Variants in PRKD1 observed in about 807,000 individuals in gnomAD.
PRKD1 encodes protein kinase D1.
A neutral mutation model predicts 95.9 loss-of-function variants in PRKD1; 63 were observed. The observed-to-expected ratio is 0.66, with a 90% CI of 0.54 to 0.81. The LOEUF is 0.81. PRKD1 is among the 30% of genes least tolerant of loss of function. The pLI is 0.00. For missense variants in PRKD1, 1,048 were observed against 1,165.3 expected (o/e 0.90, Z 1.47); for synonymous variants, 425 against 423.1 (o/e 1.00, Z -0.05).
intron 14 of PRKD1, 113 bp downstream of exon 14, chr14:29,599,543 G>A: frequency 3.1e-6 from 3 of 975,462 alleles, no homozygotes; most frequent in Admixed American, 5.2e-5. Flanking sequence ...CTTTTCTAGT[G>A]TAGTTTAGAC....
chr14:29,658,485 T>G lies in PRKD1; in HGVS notation c.696+5214A>C, dbSNP rs546064056. ...GCATTTCCTAATCTTATTTGACCAA[T>G]TTTTTTTTTTCAGAATATTTTATGG... On this transcript the variant is annotated intron_variant, in intron 4 of 17. Transcript: ENST00000331968. Among the ~76,000 whole-genome samples, 6 of 146,368 alleles carry G rather than the reference T, an allele frequency of 4.1e-5. No homozygotes were observed. The East Asian group carries it at 7.9e-4, about 19-fold the overall frequency.
At chr14:29,598,991 A>G in intron 15 of PRKD1, 36 bp downstream of exon 15, 1 of 1,543,014 alleles carries the variant, frequency 6.5e-7, no homozygotes, top group Non-Finnish European at 9.0e-7. Context: ...CAATGCTTCC[A>G]ACTGGCTTTT....
At chr14:29,640,927 T>C (rs958347777) in intron 4 of PRKD1, among the ~76,000 whole-genome samples, 5 of 152,206 alleles carry the variant, frequency 3.3e-5, no homozygotes, top group African/African-American at 1.2e-4. Context: ...TATACCATGG[T>C]GCAAATTCAT....
intron 1 of PRKD1, among the ~76,000 whole-genome samples, chr14:29,908,907 C>G (rs888057341): frequency 6.6e-6 from 1 of 152,190 alleles, no homozygotes; most frequent in Admixed American, 6.5e-5. Context: ...GCTTGAGGAG[C>G]CCTTTAGCCC....
At chr14:29,824,001 G>A (rs1231577396) in intron 1 of PRKD1, among the ~76,000 whole-genome samples, 3 of 152,072 alleles carry the variant, frequency 2.0e-5, no homozygotes, top group Non-Finnish European at 4.4e-5. Context: ...ACATTCTTCG[G>A]ACACACACTG....
intron 16 of PRKD1, among the ~76,000 whole-genome samples, chr14:29,578,755 G>C (rs960856010): frequency 1.3e-5 from 2 of 151,920 alleles, no homozygotes; most frequent in Admixed American, 1.3e-4. Context: ...TACTAATTTT[G>C]TTATAAAACA....
At chr14:29,707,084 G>T (rs1885126988) in intron 2 of PRKD1, among the ~76,000 whole-genome samples, 1 of 152,122 alleles carries the variant, frequency 6.6e-6, no homozygotes, top group African/African-American at 2.4e-5. Context: ...GGTAGAGTAG[G>T]GAGTAGAACA....
intron 1 of PRKD1, among the ~76,000 whole-genome samples, chr14:29,797,723 T>C (rs1298979915): frequency 6.6e-6 from 1 of 152,184 alleles, no homozygotes; most frequent in Admixed American, 6.5e-5. Flanking sequence ...GGAGCTGCTA[T>C]TGGCCTTAGC....
intron 1 of PRKD1, among the ~76,000 whole-genome samples, chr14:29,910,197 G>A (rs533916442): frequency 1.3e-5 from 2 of 152,262 alleles, no homozygotes; most frequent in South Asian, 4.1e-4. Context: ...AGGCCAGTGA[G>A]ACCATGAACC....
At chr14:29,746,529 TATACACAC>T (rs1302016677) in intron 1 of PRKD1, among the ~76,000 whole-genome samples, 1 of 146,410 alleles carries the variant, frequency 6.8e-6, no homozygotes, top group African/African-American at 2.7e-5. Flanking sequence ...TGTGTACATA[TATACACAC>T]ACACACACAC....
intron 1 of PRKD1, among the ~76,000 whole-genome samples, chr14:29,867,500 G>A (rs1384765511): frequency 1.3e-5 from 2 of 152,188 alleles, no homozygotes; most frequent in East Asian, 1.9e-4. Context: ...GAATTCAATG[G>A]GTAAAGGATG....
At chr14:29,871,437 G>A (rs1893102323) in intron 1 of PRKD1, among the ~76,000 whole-genome samples, 1 of 152,282 alleles carries the variant, frequency 6.6e-6, no homozygotes, top group African/African-American at 2.4e-5. Flanking sequence ...AAAATGAGAG[G>A]CAGGAGAGTG....
intron 1 of PRKD1, among the ~76,000 whole-genome samples, chr14:29,771,521 C>G (rs572944388): frequency 1.3e-5 from 2 of 152,154 alleles, no homozygotes; most frequent in South Asian, 2.1e-4. Context: ...TACCCATGCA[C>G]AGAGTGCACA....
intron 1 of PRKD1, among the ~76,000 whole-genome samples, chr14:29,804,795 T>C (rs1890170232): frequency 6.6e-6 from 1 of 152,126 alleles, no homozygotes; most frequent in South Asian, 2.1e-4. Context: ...TTCAGATCAA[T>C]GAGGTGTTTT....
At chr14:29,926,844 G>GTCC (rs1895315484) in intron 1 of PRKD1, among the ~76,000 whole-genome samples, 1 of 152,010 alleles carries the variant, frequency 6.6e-6, no homozygotes, top group Admixed American at 6.5e-5. Flanking sequence ...GGGCACTCTG[G>GTCC]TGCAGGAAGG....
At chr14:29,724,259 G>A (rs1886037930) in intron 2 of PRKD1, among the ~76,000 whole-genome samples, 1 of 152,086 alleles carries the variant, frequency 6.6e-6, no homozygotes, top group African/African-American at 2.4e-5. Context: ...TATATTTCTG[G>A]ACATTGACAC....
intron 1 of PRKD1, among the ~76,000 whole-genome samples, chr14:29,799,083 T>A (rs993107449): frequency 6.6e-6 from 1 of 152,198 alleles, no homozygotes; most frequent in Non-Finnish European, 1.5e-5. Flanking sequence ...AATTTGCACA[T>A]ACTAAGTGTT....
At chr14:29,710,476 T>C (rs557650223) in intron 2 of PRKD1, among the ~76,000 whole-genome samples, 237 of 152,218 alleles carry the variant, frequency 1.6e-3, no homozygotes, top group African/African-American at 5.3e-3. Flanking sequence ...TAAACCCAGA[T>C]TGGTGACCAT....
chr14:29,684,996 T>C (rs1883774297), intron 2 of PRKD1, among the ~76,000 whole-genome samples: 1 of 152,254 alleles, frequency 6.6e-6, no homozygotes, highest in Admixed American at 6.5e-5. Context: ...AAAGCTTTAC[T>C]ATTATTATTG....
Sources: gnomAD v4.1 joint callset for allele counts (sites outside exome capture counted in the v4.1 genomes callset) on GRCh38, gnomAD v4.1.1 for gene constraint, MANE v1.5 for transcripts, NCBI Gene and HGNC (gene_info 2026-07-23, HGNC 2026-07-21) for gene names.